PARP11: variants seen among roughly 807,000 people sequenced by gnomAD.
The protein encoded by PARP11 is poly(ADP-ribose) polymerase family member 11, also known as protein mono-ADP-ribosyltransferase PARP11.
PARP11 carries 31 observed loss-of-function variants against 42.9 expected under a neutral mutation model. That is an observed-to-expected ratio of 0.72 (90% CI 0.54 to 0.98). The LOEUF is 0.98. Ranked by LOEUF, PARP11 falls within the 50% of genes least tolerant of loss-of-function variation. PARP11 has a pLI of 0.00. For synonymous variants in PARP11, 137 were observed against 127.3 expected (o/e 1.08, Z -0.51); for missense variants, 365 against 413.1 (o/e 0.88, Z 1.01).
At chr12:3,854,095 A>C (rs918537590) in intron 1 of PARP11, among the ~76,000 whole-genome samples, 1 of 152,240 alleles carries the variant, frequency 6.6e-6, no homozygotes. Flanking sequence ...AATGAGAACA[A>C]AGATACAACG....
intron 1 of PARP11, among the ~76,000 whole-genome samples, chr12:3,835,134 T>A (rs1044478883): frequency 1.3e-5 from 2 of 151,852 alleles, no homozygotes; most frequent in Non-Finnish European, 2.9e-5. Flanking sequence ...CAAAAAAAAA[T>A]GTAAACTCCC....
intron 1 of PARP11, chr12:3,871,851 AGAAGCAGCCTCG>A (rs1280093374): frequency 6.6e-6 from 1 of 152,234 alleles, no homozygotes; most frequent in Non-Finnish European, 1.5e-5. Context: ...GGAAGGCCTC[AGAAGCAGCCTCG>A]GAAGCAGTCT....
chr12:3,816,351 T>C (rs1036756723), intron 6 of PARP11, among the ~76,000 whole-genome samples: 10 of 152,218 alleles, frequency 6.6e-5, no homozygotes, highest in Non-Finnish European at 1.3e-4. Flanking sequence ...TACATTTTCA[T>C]CCATTTCTGA....
chr12:3,870,805 TAAG>T (rs1315128798), intron 1 of PARP11, among the ~76,000 whole-genome samples: 3 of 152,154 alleles, frequency 2.0e-5, no homozygotes, highest in East Asian at 1.9e-4. Flanking sequence ...ATGGAAAAAT[TAAG>T]AAGGACTGAT....
intron 1 of PARP11, among the ~76,000 whole-genome samples, chr12:3,843,621 T>G (rs1263596977): frequency 1.3e-5 from 2 of 152,234 alleles, no homozygotes; most frequent in Non-Finnish European, 1.5e-5. Context: ...CTTTGTATTT[T>G]ATAGCTTGTT....
At position 3,840,249 on chromosome 12, in the gene PARP11, G is replaced by T; in HGVS notation, c.19-10231C>A. The T allele has an allele frequency of 1.2e-6, 2 of 1,612,498 alleles. No homozygotes were observed. Among genetic ancestry groups the T allele is most frequent in the Non-Finnish European group, 1.7e-6 (2 of 1,178,496 alleles). ...TTCATTCTGAGAATGGACCAGTTTT[G>T]GTTGAAGAACTGGGAAAGTACACAT... On this transcript the variant is annotated intron_variant, in intron 1 of 7. Transcript: ENST00000228820. The surrounding 1 kb of genome is among the most constrained non-coding windows in gnomAD (Gnocchi z 4.4).
chr12:3,830,430 T>C (rs1409218315), intron 1 of PARP11, among the ~76,000 whole-genome samples: 2 of 152,220 alleles, frequency 1.3e-5, no homozygotes, highest in African/African-American at 4.8e-5. Context: ...TCATTTCATT[T>C]AATGGCATAG....
rs1947409140 is a variant in PARP11 at position 3,822,173 on chromosome 12, G to A, written c.345-16C>T. 6.2e-7 allele frequency: 1 copy of A among 1,601,282 alleles called. No individual in the cohort carries two copies. Among genetic ancestry groups the A allele is most frequent in the African/African-American group, 1.3e-5 (1 of 74,558 alleles). ...ACAGATGTAACTTGAAACAGCAAAA[G>A]AGAAAACAAAATATCAGAAGCCGAT... On this transcript the variant is annotated splice_polypyrimidine_tract_variant and intron_variant, in intron 4 of 7. Coordinates refer to ENST00000228820, the MANE Select transcript of PARP11 (RefSeq NM_020367.6).
At chr12:3,817,528 A>C (rs932703761) in intron 6 of PARP11, among the ~76,000 whole-genome samples, 2 of 152,224 alleles carry the variant, frequency 1.3e-5, no homozygotes, top group Non-Finnish European at 2.9e-5. Flanking sequence ...GCTAAAGGTG[A>C]TTTCCAGGGC....
chr12:3,814,330 T>G, intron 6 of PARP11, 142 bp from the exon 7 acceptor site: 2 of 585,580 alleles, frequency 3.4e-6, no homozygotes, highest in Non-Finnish European at 2.6e-6. Flanking sequence ...AAAGCAAGTC[T>G]AGAAAAGAAA....
At chr12:3,858,906 A>G (rs1591536539) in intron 1 of PARP11, among the ~76,000 whole-genome samples, 2 of 151,832 alleles carry the variant, frequency 1.3e-5, no homozygotes, top group East Asian at 1.9e-4. Flanking sequence ...CCTGGCCAAC[A>G]TGGTGAAACT....
chr12:3,872,784 A>G (rs1391064663), intron 1 of PARP11: 1 of 985,324 alleles, frequency 1.0e-6, no homozygotes, highest in Admixed American at 6.1e-5. Context: ...ATTAGAAAGC[A>G]AAACACAAAG....
intron 1 of PARP11, among the ~76,000 whole-genome samples, chr12:3,844,218 C>T (rs1019188801): frequency 6.6e-6 from 1 of 152,140 alleles, no homozygotes; most frequent in Non-Finnish European, 1.5e-5. Context: ...TGAAAGATAA[C>T]ATTTTATTAT....
At chr12:3,859,596 T>C (rs1193650202) in intron 1 of PARP11, among the ~76,000 whole-genome samples, 1 of 147,940 alleles carries the variant, frequency 6.8e-6, no homozygotes, top group Non-Finnish European at 1.5e-5. Context: ...TAAATAATAA[T>C]ATAACATGCA....
In PARP11 at chr12:3,828,986, T is replaced by C; in HGVS notation, c.192A>G (p.Glu64=). 6.2e-7 allele frequency: 1 copy of C among 1,614,076 alleles called. No individual in the cohort carries two copies. The highest frequency in any genetic ancestry group is 2.2e-5 in the East Asian group (1 of 44,870). Residue 64 remains glutamate, a synonymous_variant, in exon 3 of 8, where the codon GAA becomes GAG. Transcript: ENST00000228820. ...CACAAGGGTTTGTTTTGAAGCTTTT[T>C]TCGATATCTTCACTGCTAACTGAAC... is the stretch of plus-strand genomic sequence containing the variant. ...SQCSVSSEDI[E]KSFKTNPCGS...
At chr12:3,829,531 G>T (rs940320956) in intron 2 of PARP11, among the ~76,000 whole-genome samples, 1 of 152,182 alleles carries the variant, frequency 6.6e-6, no homozygotes, top group Non-Finnish European at 1.5e-5. Context: ...GGATAAGGGA[G>T]AAAATCAATG....
chr12:3,810,646 A>AAGAAGGAAG lies in PARP11; in HGVS notation c.*1476_*1477insCTTCCTTCT, dbSNP rs1947151780. ...AGGAGGGAGGGAGGGAGGGAGGGAAAGAAGGAAGGAAGGAAGGAAGGAAGG... is the reference window on the plus strand; with the variant it reads ...AGGAGGGAGGGAGGGAGGGAGGGAAAAGAAGGAAGGAAGGAAGGAAGGAAGGAAGGAAGG... On this transcript the variant is annotated 3_prime_UTR_variant, in exon 8 of 8. Transcript: ENST00000228820. The AAGAAGGAAG allele has an allele frequency of 8.2e-6, 1 of 121,462 alleles. No individual in the cohort carries two copies. The highest frequency in any genetic ancestry group is 3.3e-5 in the African/African-American group (1 of 30,578). The allele number at this position is 121,462 out of a possible 1,614,324, so 7.5% of individuals were successfully genotyped here.
chr12:3,869,770 G>A (rs1948443604), intron 1 of PARP11, among the ~76,000 whole-genome samples: 1 of 152,034 alleles, frequency 6.6e-6, no homozygotes, highest in Non-Finnish European at 1.5e-5. Flanking sequence ...AAATGTATTT[G>A]CATAATTATT....
chr12:3,829,901 G>A lies in PARP11; in HGVS notation c.136C>T (p.His46Tyr). 6.2e-7 allele frequency: 1 copy of A among 1,613,900 alleles called. No homozygotes were observed. The change falls in exon 2 of 8, where the codon CAC becomes TAC. Residue 46 changes from histidine (H) to tyrosine (Y), a missense_variant. By Grantham distance (83) the His-to-Tyr change is moderately conservative. Transcript: ENST00000228820. ...AGGAAAGGAGGTACCTGAAACATGT[G>A]CCACTTCCCACATTCTGCCAAGTAA... is the stretch of plus-strand genomic sequence containing the variant. ...WFYLAECGKW[H>Y]MFQPDTNSQC...
Sources: gnomAD v4.1 joint callset for allele counts (sites outside exome capture counted in the v4.1 genomes callset) on GRCh38, gnomAD v4.1.1 for gene constraint, Gnocchi (gnomAD v3.1) non-coding constraint, MANE v1.5 for transcripts, NCBI Gene and HGNC (gene_info 2026-07-23, HGNC 2026-07-21) for gene names.